The following ADGRF4 variants were observed in gnomAD, a reference collection of about 807,000 sequenced individuals.
ADGRF4 encodes the protein G-protein coupled receptor PGR18.
ADGRF4 carries 63 observed loss-of-function variants against 58.5 expected under a neutral mutation model. The ratio of observed to expected loss-of-function variants is 1.08; its 90% CI spans 0.88 to 1.33. The LOEUF is 1.33. Among genes scored for constraint, ADGRF4 ranks in the 40% most tolerant of loss-of-function variants. ADGRF4 has a pLI of 0.00. For missense variants in ADGRF4, 931 were observed against 843.9 expected (o/e 1.10, Z -1.28); for synonymous variants, 313 against 295.4 (o/e 1.06, Z -0.61).
chr6:47,713,781 A>G lies in ADGRF4; in HGVS notation c.553-17A>G. The G allele has an allele frequency of 6.6e-7, 1 of 1,507,256 alleles. No homozygotes were observed. The allele number at this position is 1,507,256 out of a possible 1,614,324, so 93.4% of individuals were successfully genotyped here. A position where few individuals can be genotyped will look rare whatever the true frequency, so the allele number is the denominator to read the frequency against. ...TGTGTAAATCCTTAGTATAATGTTC[A>G]CCTTTCTCCATTGCAGAGCTATAGT... On this transcript the variant is annotated splice_polypyrimidine_tract_variant and intron_variant, in intron 5 of 9. Transcript: ENST00000283303.
intron 1 of ADGRF4, among the ~76,000 whole-genome samples, chr6:47,703,675 A>C (rs1771640351): frequency 6.6e-6 from 1 of 152,212 alleles, no homozygotes; most frequent in Admixed American, 6.5e-5. Flanking sequence ...CCCTTCAGCC[A>C]TTTGTGCTTA....
chr6:47,716,956 G>A, intron 7 of ADGRF4, 109 bp downstream of exon 7: 1 of 769,784 alleles, frequency 1.3e-6, no homozygotes, highest in Non-Finnish European at 2.3e-6. Flanking sequence ...TTGAGTTTGT[G>A]AGGATGGTTC....
At chr6:47,699,941 C>G (rs1042104272) in intron 1 of ADGRF4, among the ~76,000 whole-genome samples, 4 of 151,342 alleles carry the variant, frequency 2.6e-5, no homozygotes, top group African/African-American at 7.3e-5. Flanking sequence ...ACACCCCCCC[C>G]CCCAAAATGT....
At chr6:47,702,163 T>C (rs1771604962) in intron 1 of ADGRF4, among the ~76,000 whole-genome samples, 1 of 152,214 alleles carries the variant, frequency 6.6e-6, no homozygotes, top group South Asian at 2.1e-4. Flanking sequence ...ATCAAGTGAA[T>C]TGGTAAATCC....
chr6:47,716,877 T>C (rs755141350), intron 7 of ADGRF4, 30 bp downstream of exon 7: 13 of 1,475,672 alleles, frequency 8.8e-6, no homozygotes, highest in Non-Finnish European at 1.2e-5. Context: ...TCCTTATAAA[T>C]GGTTTTCATG....
chr6:47,708,061 A>G lies in ADGRF4; in HGVS notation c.94-163A>G, dbSNP rs115780881. 4.3e-3 allele frequency among the ~76,000 whole-genome samples: 658 copies of G among 152,252 alleles called. 3 individuals are homozygous for G. Among genetic ancestry groups the G allele is most frequent in the African/African-American group, 0.014 (573 of 41,538 alleles). On this transcript the variant is annotated intron_variant, in intron 2 of 9. Transcript: ENST00000283303. ...GCATTCTCCCTGTGCTCTCATCCAC[A>G]TTTCCTTCAGCAAGTTACCGCAATA...
At chr6:47,707,377 C>T in intron 2 of ADGRF4, 39 bp downstream of exon 2, 2 of 1,209,542 alleles carry the variant, frequency 1.7e-6, no homozygotes, top group Non-Finnish European at 1.2e-6. Context: ...GAGGAGAAAT[C>T]TCTCAGTTGC....
intron 1 of ADGRF4, among the ~76,000 whole-genome samples, chr6:47,703,211 A>G (rs1704053866): frequency 6.6e-6 from 1 of 152,126 alleles, no homozygotes; most frequent in Non-Finnish European, 1.5e-5. Context: ...TCAGTGGTAG[A>G]TCTAAGGATG....
chr6:47,710,987 C>A, intron 4 of ADGRF4, 101 bp downstream of exon 4: 1 of 1,118,750 alleles, frequency 8.9e-7, no homozygotes, highest in Non-Finnish European at 1.2e-6. Context: ...AGTCTCAGAT[C>A]CGCACTTAGA....
chr6:47,710,428 G>A (rs918258338), intron 3 of ADGRF4, among the ~76,000 whole-genome samples: 4 of 152,018 alleles, frequency 2.6e-5, no homozygotes, highest in Non-Finnish European at 5.9e-5. Flanking sequence ...AGCATTCAAG[G>A]CCCTGCATGA....
intron 9 of ADGRF4, among the ~76,000 whole-genome samples, chr6:47,719,739 G>C (rs547902255): frequency 3.3e-5 from 5 of 152,162 alleles, no homozygotes; most frequent in Non-Finnish European, 7.4e-5. Flanking sequence ...GGGATCCTAG[G>C]TTGGCTGTAG....
chr6:47,714,325 T>C lies in ADGRF4; in HGVS notation c.1080T>C (p.Asp360=). The C allele has an allele frequency of 6.2e-7, 1 of 1,608,830 alleles. No individual in the cohort carries two copies. Among genetic ancestry groups the C allele is most frequent in the Non-Finnish European group, 8.5e-7 (1 of 1,175,214 alleles). The change falls in exon 6 of 10, where the codon GAT becomes GAC. Residue 360 remains aspartate, a synonymous_variant. Coordinates refer to ENST00000283303, the MANE Select transcript of ADGRF4 (RefSeq NM_153838.5). ...VGWHSKKRRW[D]EKACQMMLDI... Reference sequence around the variant, plus strand: ...GGCACTCCAAGAAAAGGAGATGGGATGAGAAAGCGTGCCAAATGATGTTGG... The same window carrying C: ...GGCACTCCAAGAAAAGGAGATGGGACGAGAAAGCGTGCCAAATGATGTTGG...
At chr6:47,715,277 C>G in intron 6 of ADGRF4, 100 bp downstream of exon 6, 1 of 873,104 alleles carries the variant, frequency 1.1e-6, no homozygotes, top group Non-Finnish European at 1.8e-6. Context: ...CTCTCCACTT[C>G]CTTTTACATC....
At chr6:47,716,938 C>T in intron 7 of ADGRF4, 91 bp downstream of exon 7, 1 of 862,288 alleles carries the variant, frequency 1.2e-6, no homozygotes, top group Non-Finnish European at 1.9e-6. Context: ...GAGCATACTC[C>T]AGGGGAGTTG....
At chr6:47,709,848 A>ATTTT (rs1771816300) in intron 3 of ADGRF4, among the ~76,000 whole-genome samples, 1 of 81,452 alleles carries the variant, frequency 1.2e-5, no homozygotes, top group Non-Finnish European at 3.0e-5. Context: ...GTAGCATCAC[A>ATTTT]GTTTTTTTTT....
rs200623239 is a variant in ADGRF4, at chr6:47,718,431, C to T, written c.2077C>T (p.Arg693Cys). 1.0e-5 allele frequency: 16 copies of T among 1,576,770 alleles called. No homozygotes were observed. In the East Asian group the frequency reaches 1.8e-4, roughly 18 times the overall value. Residue 693 changes from arginine to cysteine, a missense_variant, in exon 9 of 10, where the codon CGT becomes TGT. Transcript: ENST00000283303. ...GPTNGSKLMN[R>C]QG ...AACCAATGGATCTAAATTAATGAATCGTCAAGGATGAAATGTGAGTATTAA... is the reference window on the plus strand; with the variant it reads ...AACCAATGGATCTAAATTAATGAATTGTCAAGGATGAAATGTGAGTATTAA...
chr6:47,706,508 G>A (rs745377521), intron 1 of ADGRF4, among the ~76,000 whole-genome samples: 12 of 152,168 alleles, frequency 7.9e-5, no homozygotes, highest in Non-Finnish European at 1.3e-4. Context: ...GTTCTCAACT[G>A]GGGGAGGTCT....
chr6:47,711,558 G>GTT (rs1771873425), intron 4 of ADGRF4, among the ~76,000 whole-genome samples: 1 of 152,248 alleles, frequency 6.6e-6, no homozygotes, highest in Non-Finnish European at 1.5e-5. Context: ...ACCGCGCCGG[G>GTT]CCTTGATATC....
chr6:47,719,105 T>A (rs1206420839), intron 9 of ADGRF4, among the ~76,000 whole-genome samples: 2 of 152,160 alleles, frequency 1.3e-5, no homozygotes, highest in Non-Finnish European at 2.9e-5. Context: ...AAAATACCAT[T>A]TGGCAGCAGC....
Sources: allele counts gnomAD v4.1 joint callset (sites outside exome capture counted in the v4.1 genomes callset), GRCh38; gene constraint gnomAD v4.1.1; transcripts MANE v1.5; gene names NCBI Gene and HGNC (gene_info 2026-07-23, HGNC 2026-07-21).